The following CNTNAP2 variants were observed in gnomAD, a reference collection of about 807,000 sequenced individuals.
The protein encoded by CNTNAP2 is contactin-associated protein-like 2.
A neutral mutation model predicts 155.2 loss-of-function variants in CNTNAP2; 98 were observed. That is an observed-to-expected ratio of 0.63 (90% CI 0.54 to 0.75). The LOEUF (loss-of-function observed/expected upper bound fraction) is 0.75. Ranked by LOEUF, CNTNAP2 falls within the 30% of genes least tolerant of loss-of-function variation. CNTNAP2 has a pLI of 0.00. For missense variants in CNTNAP2, 1,727 were observed against 1,688.1 expected (o/e 1.02, Z -0.40); for synonymous variants, 651 against 631.2 (o/e 1.03, Z -0.47).
At chr7:148,274,773 G>A (rs542774930) in intron 21 of CNTNAP2, among the ~76,000 whole-genome samples, 6 of 152,264 alleles carry the variant, frequency 3.9e-5, no homozygotes, top group African/African-American at 1.4e-4. Flanking sequence ...AGTCTCAGAT[G>A]TTTCTTTATA....
intron 10 of CNTNAP2, among the ~76,000 whole-genome samples, chr7:147,421,585 CTG>C (rs55983110): frequency 1.2e-3 from 175 of 143,546 alleles, no homozygotes; most frequent in Non-Finnish European, 1.7e-3. Context: ...TCTATCTAAT[CTG>C]TGTGTGTGTG....
At chr7:147,140,489 G>T (rs1256352081) in intron 8 of CNTNAP2, among the ~76,000 whole-genome samples, 1 of 151,908 alleles carries the variant, frequency 6.6e-6, no homozygotes, top group Non-Finnish European at 1.5e-5. Flanking sequence ...TATGAATATT[G>T]CTTACCCTTT....
chr7:148,209,949 T>G (rs1368648638), intron 18 of CNTNAP2, among the ~76,000 whole-genome samples: 1 of 152,158 alleles, frequency 6.6e-6, no homozygotes, highest in African/African-American at 2.4e-5. Context: ...CTTCCTAGAA[T>G]ACTTTCCCTA....
chr7:146,192,169 G>A (rs547628403), intron 1 of CNTNAP2, among the ~76,000 whole-genome samples: 7 of 152,222 alleles, frequency 4.6e-5, no homozygotes, highest in Admixed American at 1.3e-4. Flanking sequence ...CGGTCCCTCC[G>A]TTCGGGGTCC....
chr7:147,600,171 T>C (rs1000914546), intron 12 of CNTNAP2, among the ~76,000 whole-genome samples: 2 of 152,232 alleles, frequency 1.3e-5, no homozygotes, highest in African/African-American at 4.8e-5. Flanking sequence ...ACCACTGATC[T>C]GTCTCATAAC....
chr7:147,164,865 C>T (rs1802087720), intron 8 of CNTNAP2, among the ~76,000 whole-genome samples: 3 of 152,264 alleles, frequency 2.0e-5, no homozygotes, highest in South Asian at 4.1e-4. Flanking sequence ...TCAAATGAGA[C>T]CCAATGCTTG....
In CNTNAP2 at chr7:147,925,292, G is replaced by GCGCGCGCA. The variant is rs1345390357; in HGVS notation, c.2255+21572_2255+21573insGCGCGCAC. On this transcript the variant is annotated intron_variant, in intron 14 of 23. Coordinates refer to ENST00000361727, the MANE Select transcript of CNTNAP2 (RefSeq NM_014141.6). ...CAGACAAACACACACAAGCGCGCGC[G>GCGCGCGCA]CACACACACACACACACACACACAC... Among the ~76,000 whole-genome samples, 36 of 143,220 alleles carry GCGCGCGCA rather than the reference G, an allele frequency of 2.5e-4. 2 individuals are homozygous for GCGCGCGCA. The South Asian group carries it at 3.0e-3, about 12-fold the overall frequency. The allele number at this position is 143,220 out of a possible 152,430, so 94.0% of individuals were successfully genotyped here.
chr7:147,466,026 A>G (rs1313449785), intron 10 of CNTNAP2, among the ~76,000 whole-genome samples: 1 of 152,246 alleles, frequency 6.6e-6, no homozygotes, highest in African/African-American at 2.4e-5. Flanking sequence ...TCAACTTGCA[A>G]AAAGCATATT....
At chr7:146,445,697 C>T (rs773702478) in intron 1 of CNTNAP2, among the ~76,000 whole-genome samples, 17 of 151,994 alleles carry the variant, frequency 1.1e-4, no homozygotes, top group Non-Finnish European at 2.4e-4. Context: ...GTAGCATTTT[C>T]AAAATCTGTA....
intron 1 of CNTNAP2, among the ~76,000 whole-genome samples, chr7:146,131,532 TG>T (rs1164189288): frequency 6.6e-6 from 1 of 152,230 alleles, no homozygotes; most frequent in Admixed American, 6.5e-5. Flanking sequence ...CCATGCCAAT[TG>T]TTTGTTTTTA....
At chr7:148,079,112 T>C (rs1803550274) in intron 15 of CNTNAP2, among the ~76,000 whole-genome samples, 1 of 152,190 alleles carries the variant, frequency 6.6e-6, no homozygotes, top group South Asian at 2.1e-4. Context: ...AGAGTCAAAT[T>C]CTGTAAAATA....
At chr7:146,550,424 T>TTTTTG (rs1393059738) in intron 1 of CNTNAP2, among the ~76,000 whole-genome samples, 5 of 146,194 alleles carry the variant, frequency 3.4e-5, no homozygotes, top group Non-Finnish European at 7.5e-5. Context: ...TTTTTTTTTT[T>TTTTTG]TTTTTATAAA....
At chr7:146,844,761 G>A (rs901735853) in intron 3 of CNTNAP2, among the ~76,000 whole-genome samples, 47 of 152,008 alleles carry the variant, frequency 3.1e-4, no homozygotes, top group African/African-American at 1.1e-3. Context: ...TCATATGAGC[G>A]CAGTTTTTGT....
At position 147,710,151 on chromosome 7, in the gene CNTNAP2, G is replaced by C. The variant is rs1796381797; in HGVS notation, c.2098+70845G>C. The stretch of plus-strand genomic sequence containing the variant: ...AATTTTAAATAGAATTTGTGAGGAG[G>C]TATTGTTTCTGCATGTTGGAGTTCC... On this transcript the variant is annotated intron_variant, in intron 13 of 23. Coordinates refer to ENST00000361727, the MANE Select transcript of CNTNAP2 (RefSeq NM_014141.6). Among the ~76,000 whole-genome samples the C allele has an allele frequency of 2.0e-5, 3 of 152,206 alleles. No homozygotes were observed. The South Asian group carries it at 6.2e-4, about 32-fold the overall frequency.
intron 12 of CNTNAP2, among the ~76,000 whole-genome samples, chr7:147,597,308 C>G (rs1800842476): frequency 6.6e-6 from 1 of 152,124 alleles, no homozygotes; most frequent in Non-Finnish European, 1.5e-5. Flanking sequence ...TCCCACCTAC[C>G]CATGCCCCTC....
intron 4 of CNTNAP2, among the ~76,000 whole-genome samples, chr7:147,061,036 T>C (rs886650810): frequency 6.6e-6 from 1 of 152,134 alleles, no homozygotes; most frequent in Non-Finnish European, 1.5e-5. Flanking sequence ...GAAAGACAAA[T>C]GCTGTATGAT....
intron 13 of CNTNAP2, among the ~76,000 whole-genome samples, chr7:147,706,732 T>G (rs1210765853): frequency 6.6e-6 from 1 of 152,188 alleles, no homozygotes; most frequent in Non-Finnish European, 1.5e-5. Flanking sequence ...CTATCCCTTT[T>G]GTTTTCTCTT....
chr7:147,615,303 AAAAAAAAGAC>A (rs1801263428), intron 12 of CNTNAP2, among the ~76,000 whole-genome samples: 1 of 147,698 alleles, frequency 6.8e-6, no homozygotes, highest in African/African-American at 2.5e-5. Context: ...AAAAAAAAAA[AAAAAAAAGAC>A]TACATCTCCA....
intron 3 of CNTNAP2, among the ~76,000 whole-genome samples, chr7:146,901,647 T>C (rs544846206): frequency 3.3e-5 from 5 of 152,270 alleles, no homozygotes; most frequent in African/African-American, 1.2e-4. Flanking sequence ...GCAATGAGTA[T>C]ATTAAAATCC....
Sources: allele counts gnomAD v4.1 joint callset (sites outside exome capture counted in the v4.1 genomes callset), GRCh38; gene constraint gnomAD v4.1.1; transcripts MANE v1.5; gene names NCBI Gene and HGNC (gene_info 2026-07-23, HGNC 2026-07-21).